Variants in KCNH8 observed in about 807,000 individuals in gnomAD.
KCNH8 encodes the protein voltage-gated delayed rectifier potassium channel KCNH8.
KCNH8 carries 70 observed loss-of-function variants against 103.6 expected under a neutral mutation model. The observed-to-expected ratio is 0.68, with a 90% CI of 0.56 to 0.82. KCNH8 has a LOEUF of 0.82. Among genes scored for constraint, KCNH8 ranks in the 40% least tolerant of loss-of-function variants. The pLI, the probability that KCNH8 is intolerant of heterozygous loss-of-function variation, is 0.00. For missense variants in KCNH8, 1,217 were observed against 1,329.9 expected (o/e 0.92, Z 1.32); for synonymous variants, 498 against 489.4 (o/e 1.02, Z -0.23).
At chr3:19,365,782 G>C (rs2066003741) in intron 5 of KCNH8, among the ~76,000 whole-genome samples, 1 of 151,956 alleles carries the variant, frequency 6.6e-6, no homozygotes, top group South Asian at 2.1e-4. Context: ...GTTGCACGTA[G>C]AAAAATAAAG....
At chr3:19,289,584 T>C (rs922452545) in intron 3 of KCNH8, among the ~76,000 whole-genome samples, 11 of 152,254 alleles carry the variant, frequency 7.2e-5, no homozygotes, top group African/African-American at 2.6e-4. Context: ...CATTGGTCTA[T>C]ATCTCTGTTT....
intron 3 of KCNH8, among the ~76,000 whole-genome samples, chr3:19,283,297 T>C (rs965759998): frequency 6.6e-6 from 1 of 152,154 alleles, no homozygotes; most frequent in African/African-American, 2.4e-5. Flanking sequence ...GGTGTTAACA[T>C]TTGTATTCCA....
intron 10 of KCNH8, among the ~76,000 whole-genome samples, chr3:19,452,452 A>G (rs1332632905): frequency 3.3e-5 from 5 of 152,128 alleles, no homozygotes; most frequent in Admixed American, 3.3e-4. Flanking sequence ...TTATGAATGA[A>G]TTCAGTACTG....
intron 13 of KCNH8, among the ~76,000 whole-genome samples, chr3:19,513,764 C>A (rs1267461707): frequency 6.6e-6 from 1 of 152,042 alleles, no homozygotes; most frequent in East Asian, 1.9e-4. Flanking sequence ...ACTATTCTTG[C>A]CTTATTATCA....
intron 1 of KCNH8, among the ~76,000 whole-genome samples, chr3:19,198,325 G>T (rs555028919): frequency 6.6e-6 from 1 of 152,002 alleles, no homozygotes. Context: ...CCTTGAACTG[G>T]AGGAGTTGGG....
chr3:19,417,220 A>ATG (rs113532154), intron 7 of KCNH8, among the ~76,000 whole-genome samples: 12,894 of 148,968 alleles, frequency 0.087, 1,168 homozygotes, highest in East Asian at 0.24. Flanking sequence ...ATATATGTAT[A>ATG]TGTGTGTGTA....
At chr3:19,507,919 T>C (rs1341159581) in intron 11 of KCNH8, among the ~76,000 whole-genome samples, 2 of 152,184 alleles carry the variant, frequency 1.3e-5, no homozygotes, top group Non-Finnish European at 2.9e-5. Flanking sequence ...GCTCTTACTA[T>C]TTTCGGGTAT....
At chr3:19,178,225 T>C (rs1411125230) in intron 1 of KCNH8, among the ~76,000 whole-genome samples, 1 of 152,128 alleles carries the variant, frequency 6.6e-6, no homozygotes, top group Admixed American at 6.5e-5. Context: ...CTGGAGATTT[T>C]TTTATTGCTC....
In KCNH8 at chr3:19,364,979, T is replaced by C. The variant is rs144967105; in HGVS notation, c.811+17014T>C. Among the ~76,000 whole-genome samples, 1,197 of 152,222 alleles carry C rather than the reference T, an allele frequency of 7.9e-3. 12 individuals are homozygous for C. The highest frequency in any genetic ancestry group is 0.027 in the African/African-American group (1,115 of 41,546). On this transcript the variant is annotated intron_variant, in intron 5 of 15. Coordinates refer to ENST00000328405, the MANE Select transcript of KCNH8 (RefSeq NM_144633.3). Reference sequence around the variant, plus strand: ...GCAGAGCAGACTATTTTTCATTTGATTGTTTCAAACATAGCAATGGATGTT... The same window carrying C: ...GCAGAGCAGACTATTTTTCATTTGACTGTTTCAAACATAGCAATGGATGTT...
chr3:19,228,446 G>A (rs1332426952), intron 1 of KCNH8, among the ~76,000 whole-genome samples: 1 of 152,052 alleles, frequency 6.6e-6, no homozygotes, highest in Non-Finnish European at 1.5e-5. Context: ...ATAATTTGTG[G>A]CTTATTTTGT....
intron 1 of KCNH8, among the ~76,000 whole-genome samples, chr3:19,202,643 G>A (rs2063674884): frequency 6.6e-6 from 1 of 152,158 alleles, no homozygotes; most frequent in Non-Finnish European, 1.5e-5. Context: ...ATGGAAAAGA[G>A]AGGATGCACA....
At chr3:19,318,248 C>G (rs1244938906) in intron 3 of KCNH8, among the ~76,000 whole-genome samples, 1 of 151,684 alleles carries the variant, frequency 6.6e-6, no homozygotes, top group Non-Finnish European at 1.5e-5. Flanking sequence ...AAAGAAATAC[C>G]TGAGACTGGG....
chr3:19,479,316 C>G (rs1305266111), intron 11 of KCNH8, among the ~76,000 whole-genome samples: 2 of 152,144 alleles, frequency 1.3e-5, no homozygotes, highest in Non-Finnish European at 2.9e-5. Flanking sequence ...GAATTATCCT[C>G]TAAGTCTTAA....
chr3:19,486,067 T>C (rs1274515085), intron 11 of KCNH8, among the ~76,000 whole-genome samples: 1 of 152,266 alleles, frequency 6.6e-6, no homozygotes, highest in Non-Finnish European at 1.5e-5. Context: ...TTGGCTTCAA[T>C]GACAGCATCC....
intron 5 of KCNH8, among the ~76,000 whole-genome samples, chr3:19,353,342 A>C (rs376666391): frequency 2.0e-5 from 3 of 152,180 alleles, no homozygotes; most frequent in East Asian, 3.9e-4. Flanking sequence ...GAAACTATTC[A>C]AATCAACAGC....
chr3:19,376,340 C>A (rs183869715), intron 5 of KCNH8, among the ~76,000 whole-genome samples: 2 of 152,178 alleles, frequency 1.3e-5, no homozygotes, highest in East Asian at 1.9e-4. Context: ...GCGCAGTATT[C>A]GGGTAGGAGT....
intron 11 of KCNH8, among the ~76,000 whole-genome samples, chr3:19,484,208 G>C (rs1002315329): frequency 6.6e-6 from 1 of 152,256 alleles, no homozygotes; most frequent in East Asian, 1.9e-4. Flanking sequence ...AGGCCCAGAG[G>C]GGTCATAACA....
At chr3:19,226,769 A>G (rs2063937043) in intron 1 of KCNH8, among the ~76,000 whole-genome samples, 1 of 152,170 alleles carries the variant, frequency 6.6e-6, no homozygotes, top group Non-Finnish European at 1.5e-5. Flanking sequence ...GGTGCCTATA[A>G]TTGGAATGGT....
intron 1 of KCNH8, among the ~76,000 whole-genome samples, chr3:19,156,687 C>G (rs2063183943): frequency 6.6e-6 from 1 of 152,068 alleles, no homozygotes; most frequent in South Asian, 2.1e-4. Context: ...GACTGTAGTA[C>G]TCTCTAGTGA....
Sources: allele counts gnomAD v4.1 joint callset (sites outside exome capture counted in the v4.1 genomes callset), GRCh38; gene constraint gnomAD v4.1.1; transcripts MANE v1.5; gene names NCBI Gene and HGNC (gene_info 2026-07-23, HGNC 2026-07-21).